The following NCKAP5 variants were observed in gnomAD, a reference collection of about 807,000 sequenced individuals.
NCKAP5 encodes NCK associated protein 5, also known as nck-associated protein 5.
A neutral mutation model predicts 167.0 loss-of-function variants in NCKAP5; 92 were observed. The ratio of observed to expected loss-of-function variants is 0.55; its 90% CI spans 0.47 to 0.66. The LOEUF (loss-of-function observed/expected upper bound fraction) is 0.66. Ranked by LOEUF, NCKAP5 falls within the 30% of genes least tolerant of loss-of-function variation. The pLI is 0.00. For missense variants in NCKAP5, 2,378 were observed against 2,315.0 expected, an observed-to-expected ratio of 1.03 and a Z score of -0.56; for synonymous variants, 891 against 877.4, an observed-to-expected ratio of 1.02 and a Z score of -0.27.
chr2:133,484,838 T>C (rs1331723813), intron 3 of NCKAP5, among the ~76,000 whole-genome samples: 1 of 152,126 alleles, frequency 6.6e-6, no homozygotes, highest in Non-Finnish European at 1.5e-5. Flanking sequence ...AAGACTTCTG[T>C]TTTCCAGCAT....
chr2:132,843,106 A>G lies in NCKAP5; in HGVS notation c.807+17386T>C, dbSNP rs1454674119. Among the ~76,000 whole-genome samples, 3 of 152,154 alleles carry G rather than the reference A, an allele frequency of 2.0e-5. No homozygotes were observed. The South Asian group carries it at 6.2e-4, about 31-fold the overall frequency. On this transcript the variant is annotated intron_variant, in intron 11 of 19. Coordinates refer to ENST00000409261, the MANE Select transcript of NCKAP5 (RefSeq NM_207363.3). ...TTTTTAAATTTTGCTAGGGTTTCCT[A>G]TGGAGCTAAGGCATAATTTATCTTT...
chr2:133,409,635 T>A (rs1688655697), intron 3 of NCKAP5, among the ~76,000 whole-genome samples: 1 of 152,034 alleles, frequency 6.6e-6, no homozygotes, highest in Non-Finnish European at 1.5e-5. Flanking sequence ...AAGGTTAGGG[T>A]TCGTCATGGG....
chr2:133,266,204 C>G (rs1466694522), intron 4 of NCKAP5: 2 of 152,296 alleles, frequency 1.3e-5, no homozygotes, highest in Admixed American at 6.5e-5. Context: ...CAGACTGTCC[C>G]CCTTCAGGTG....
intron 8 of NCKAP5, among the ~76,000 whole-genome samples, chr2:132,894,879 G>A (rs1693018081): frequency 6.6e-6 from 1 of 152,102 alleles, no homozygotes; most frequent in African/African-American, 2.4e-5. Context: ...GCAGCCTCCT[G>A]CCGTTCTGCG....
At chr2:132,963,625 A>T (rs1007514103) in intron 8 of NCKAP5, 95 bp downstream of exon 8, 11 of 1,294,088 alleles carry the variant, frequency 8.5e-6, no homozygotes, top group Non-Finnish European at 1.2e-5. Flanking sequence ...AGAACTCAAA[A>T]GGGAAGATTT....
chr2:133,185,538 T>C lies in NCKAP5; in HGVS notation c.207+28178A>G, dbSNP rs184969277. On this transcript the variant is annotated intron_variant, in intron 5 of 19. Coordinates refer to ENST00000409261, the MANE Select transcript of NCKAP5 (RefSeq NM_207363.3). ...ATTTTGACAGAAACAGCACTGAACC[T>C]ATAAATTGCTTTGGGCAGTATGGCC... Among the ~76,000 whole-genome samples the C allele has an allele frequency of 4.6e-5, 7 of 152,212 alleles. No individual in the cohort carries two copies. The East Asian group carries it at 1.4e-3, about 29-fold the overall frequency.
Position 132,783,484 on chromosome 2 carries a change from C to A in NCKAP5, c.3327G>T (p.Glu1109Asp). ...AACTGCTGACCTGAGATGATGGTGA[C>A]TCATTTACCCCTAAGAAGGAAGGCT... ...PPKPSFLGVN[E>D]SPSSQVSSSS... The change falls in exon 14 of 20, where the codon GAG becomes GAT. Residue 1109 changes from glutamate to aspartate, a missense_variant. By Grantham distance (45) the Glu-to-Asp change is conservative. This residue lies in a region of NCKAP5 where 1,325 missense variants were observed against 1,274.5 expected (regional missense o/e 1.04). Transcript: ENST00000409261. 6.3e-7 allele frequency: 1 copy of A among 1,599,680 alleles called. No individual in the cohort carries two copies. Among genetic ancestry groups the A allele is most frequent in the South Asian group, 1.1e-5 (1 of 88,722 alleles).
intron 6 of NCKAP5, among the ~76,000 whole-genome samples, chr2:133,115,517 T>C (rs962325326): frequency 6.6e-6 from 1 of 151,932 alleles, no homozygotes; most frequent in Admixed American, 6.6e-5. Flanking sequence ...TAAAATTAGA[T>C]GTTATGTTAC....
intron 6 of NCKAP5, among the ~76,000 whole-genome samples, chr2:133,103,278 TGTAG>T (rs1431218153): frequency 1.8e-4 from 27 of 152,306 alleles, no homozygotes; most frequent in African/African-American, 6.3e-4. Context: ...CTAAAAGCTG[TGTAG>T]GGCAGTGGTT....
the NCKAP5 span, among the ~76,000 whole-genome samples, chr2:133,592,828 G>A: frequency 2.6e-5 from 4 of 152,176 alleles, no homozygotes; most frequent in Non-Finnish European, 5.9e-5. Context: ...TATTTTGTCT[G>A]AAATGTAAAC....
intron 12 of NCKAP5, among the ~76,000 whole-genome samples, chr2:132,790,577 T>C (rs1367392): frequency 0.19 from 28,267 of 152,132 alleles, 3,105 homozygotes; most frequent in East Asian, 0.29. Flanking sequence ...GTATTTTGGC[T>C]CCATCACAAA....
At chr2:133,632,448 C>T in the NCKAP5 span, among the ~76,000 whole-genome samples, 1 of 152,200 alleles carries the variant, frequency 6.6e-6, no homozygotes, top group East Asian at 1.9e-4. Flanking sequence ...GAAGAAAATG[C>T]ACCAACATCT....
chr2:133,582,501 T>TAGA, the NCKAP5 span, among the ~76,000 whole-genome samples: 2 of 152,208 alleles, frequency 1.3e-5, no homozygotes, highest in African/African-American at 4.8e-5. Context: ...AGGGTGTTAC[T>TAGA]ATCAGTTAAT....
At chr2:133,563,292 C>T (rs988956602) in intron 1 of NCKAP5, among the ~76,000 whole-genome samples, 9 of 152,048 alleles carry the variant, frequency 5.9e-5, no homozygotes, top group African/African-American at 1.4e-4. Context: ...CAGGTCTGGC[C>T]GGGCGCAGTG....
At chr2:133,005,507 A>C (rs977808394) in intron 6 of NCKAP5, among the ~76,000 whole-genome samples, 1 of 152,198 alleles carries the variant, frequency 6.6e-6, no homozygotes, top group Non-Finnish European at 1.5e-5. Context: ...TCCTTGTCAA[A>C]TGTGTCCTTA....
At chr2:132,723,361 A>G (rs893360872) in intron 19 of NCKAP5, among the ~76,000 whole-genome samples, 1 of 149,716 alleles carries the variant, frequency 6.7e-6, no homozygotes, top group Non-Finnish European at 1.5e-5. Flanking sequence ...ACGGGGTTTC[A>G]CCGTGTTAGC....
intron 16 of NCKAP5, among the ~76,000 whole-genome samples, chr2:132,735,680 A>G (rs569044835): frequency 7.1e-4 from 108 of 152,314 alleles, no homozygotes; most frequent in Non-Finnish European, 1.2e-3. Flanking sequence ...TATGTATTAT[A>G]AGGCACATAG....
At chr2:133,640,259 G>A in the NCKAP5 span, among the ~76,000 whole-genome samples, 27 of 152,226 alleles carry the variant, frequency 1.8e-4, no homozygotes, top group Admixed American at 1.4e-3. Flanking sequence ...TACACTTTTT[G>A]TCCTAGTAAG....
intron 11 of NCKAP5, among the ~76,000 whole-genome samples, chr2:132,828,301 A>G (rs950914066): frequency 6.6e-6 from 1 of 152,134 alleles, no homozygotes; most frequent in Non-Finnish European, 1.5e-5. Context: ...CCTCATGTTG[A>G]AGTGTAATCC....
Sources: gnomAD v4.1 joint callset for allele counts (sites outside exome capture counted in the v4.1 genomes callset) on GRCh38, gnomAD v4.1.1 for gene constraint, gnomAD v4.1.1 regional missense constraint, MANE v1.5 for transcripts, NCBI Gene and HGNC (gene_info 2026-07-23, HGNC 2026-07-21) for gene names.